Variants in LDLRAD4 observed in about 807,000 individuals in gnomAD.
LDLRAD4 encodes low density lipoprotein receptor class A domain containing 4, also known as low-density lipoprotein receptor class A domain-containing protein 4.
Under a neutral mutation model 17.0 loss-of-function variants are expected in LDLRAD4, and 5 were observed. That is an observed-to-expected ratio of 0.29 (90% CI 0.15 to 0.62). The LOEUF (loss-of-function observed/expected upper bound fraction) is 0.62, where lower values mean the gene tolerates loss of function less well. LDLRAD4 is among the 20% of genes least tolerant of loss of function. The pLI, the probability that LDLRAD4 is intolerant of heterozygous loss-of-function variation, is 0.84. For missense variants in LDLRAD4, 340 were observed against 424.7 expected (o/e 0.80, Z 1.75); for synonymous variants, 168 against 171.8 (o/e 0.98, Z 0.17).
chr18:13,604,430 C>A (rs1181501248), intron 3 of LDLRAD4, among the ~76,000 whole-genome samples: 1 of 152,156 alleles, frequency 6.6e-6, no homozygotes, highest in Non-Finnish European at 1.5e-5. Context: ...CCATATACTG[C>A]GTGTGTGCAA....
At chr18:13,412,445 C>T (rs967305062) in intron 2 of LDLRAD4, among the ~76,000 whole-genome samples, 2 of 151,948 alleles carry the variant, frequency 1.3e-5, no homozygotes, top group Non-Finnish European at 2.9e-5. Context: ...CATAAGGTTC[C>T]ATATTTCTCT....
At chr18:13,252,371 C>T (rs1206694926) in intron 1 of LDLRAD4, among the ~76,000 whole-genome samples, 1 of 152,122 alleles carries the variant, frequency 6.6e-6, no homozygotes, top group African/African-American at 2.4e-5. Flanking sequence ...TCAGGTGATC[C>T]ACCCACCTCG....
chr18:13,603,114 G>A (rs1253025771), intron 3 of LDLRAD4, among the ~76,000 whole-genome samples: 3 of 152,068 alleles, frequency 2.0e-5, no homozygotes, highest in South Asian at 4.1e-4. Flanking sequence ...CAGAAACTTC[G>A]TCTTTTTAGG....
intron 3 of LDLRAD4, among the ~76,000 whole-genome samples, chr18:13,580,962 A>C (rs2094848240): frequency 6.6e-6 from 1 of 152,234 alleles, no homozygotes; most frequent in Non-Finnish European, 1.5e-5. Context: ...TGTTCTGTAT[A>C]CAGGTTGAGT....
In LDLRAD4 at chr18:13,650,432, C is replaced by T. The variant is rs151093408; in HGVS notation, c.*4775C>T. 8.8e-4 allele frequency: 352 copies of T among 398,370 alleles called. 3 individuals are homozygous for T. The East Asian group carries it at 8.9e-3, about 10-fold the overall frequency. 24.7% of individuals were successfully genotyped at this position (398,370 alleles called of 1,614,324 possible). A position where few individuals can be genotyped will look rare whatever the true frequency, so the allele number is the denominator to read the frequency against. On this transcript the variant is annotated 3_prime_UTR_variant, in exon 6 of 6. Coordinates refer to ENST00000359446, the Ensembl canonical transcript of LDLRAD4. ...CTATAGAGATTATATATACACTATC[C>T]GTGCACATTATATATATGTAGATAT... is the stretch of plus-strand genomic sequence containing the variant.
chr18:13,580,063 C>A (rs569086340), intron 3 of LDLRAD4, among the ~76,000 whole-genome samples: 1 of 152,332 alleles, frequency 6.6e-6, no homozygotes, highest in South Asian at 2.1e-4. Context: ...TTCTCATGGT[C>A]TGTGCTCATC....
chr18:13,377,726 C>T (rs1057212792), intron 1 of LDLRAD4, among the ~76,000 whole-genome samples: 5 of 152,178 alleles, frequency 3.3e-5, no homozygotes, highest in African/African-American at 9.7e-5. Flanking sequence ...AGAGCACAAA[C>T]TGCTGGCCAG....
chr18:13,422,591 G>A (rs972967604), intron 2 of LDLRAD4, among the ~76,000 whole-genome samples: 3 of 151,730 alleles, frequency 2.0e-5, no homozygotes, highest in Admixed American at 6.6e-5. Context: ...CCAGCTACTC[G>A]GGAGGCTGAG....
intron 2 of LDLRAD4, among the ~76,000 whole-genome samples, chr18:13,407,943 C>T (rs1233762733): frequency 6.6e-6 from 1 of 152,226 alleles, no homozygotes; most frequent in Non-Finnish European, 1.5e-5. Flanking sequence ...CTGCCCATTT[C>T]CACATCTTCA....
In LDLRAD4 at chr18:13,449,868, G is replaced by A. The variant is rs547269829; in HGVS notation, c.181+11484G>A. On this transcript the variant is annotated intron_variant, in intron 3 of 5. Coordinates refer to ENST00000359446, the Ensembl canonical transcript of LDLRAD4. ...TGTTCTCCCTGTCTGGGTTTGGGCA[G>A]GTGGTGGGTTCAGGCCCAACCGCTC... Among the ~76,000 whole-genome samples, 7 of 152,294 alleles carry A rather than the reference G, an allele frequency of 4.6e-5. No homozygotes were observed. In the South Asian group the frequency reaches 6.2e-4, roughly 14 times the overall value.
intron 2 of LDLRAD4, among the ~76,000 whole-genome samples, chr18:13,399,073 A>T (rs1217269262): frequency 1.3e-5 from 2 of 152,152 alleles, no homozygotes; most frequent in East Asian, 3.9e-4. Context: ...ATGCCACCAG[A>T]TGTGGTGGTG....
At chr18:13,355,235 A>G (rs1195718549) in intron 1 of LDLRAD4, among the ~76,000 whole-genome samples, 1 of 152,220 alleles carries the variant, frequency 6.6e-6, no homozygotes, top group African/African-American at 2.4e-5. Context: ...GCTTGGAGTG[A>G]AACTTTGGCA....
At chr18:13,508,560 A>G (rs563151839) in intron 3 of LDLRAD4, among the ~76,000 whole-genome samples, 67 of 152,332 alleles carry the variant, frequency 4.4e-4, no homozygotes, top group Non-Finnish European at 1.9e-4. Flanking sequence ...CAAAAATCCT[A>G]GGGTCCTAAA....
intron 2 of LDLRAD4, 143 bp downstream of exon 3, chr18:13,387,905 T>C: frequency 1.5e-6 from 1 of 678,852 alleles, no homozygotes; most frequent in Non-Finnish European, 2.6e-6. Flanking sequence ...CTGTGGTGAC[T>C]GATTCTGACA....
At chr18:13,446,248 G>A (rs1174389755) in intron 3 of LDLRAD4, among the ~76,000 whole-genome samples, 2 of 152,170 alleles carry the variant, frequency 1.3e-5, no homozygotes, top group Admixed American at 6.5e-5. Context: ...CAGCCAAGGC[G>A]TGCCGCTGCT....
intron 3 of LDLRAD4, among the ~76,000 whole-genome samples, chr18:13,535,915 C>T (rs571807393): frequency 9.2e-4 from 140 of 152,224 alleles, no homozygotes; most frequent in South Asian, 2.7e-3. Flanking sequence ...GCCATCTTTT[C>T]CCCCATTGAA....
At chr18:13,277,469 T>C (rs1419198591), upstream of LDLRAD4, among the ~76,000 whole-genome samples, 1 of 152,136 alleles carries the variant, frequency 6.6e-6, no homozygotes, top group East Asian at 1.9e-4. Context: ...GGGATGCCAG[T>C]GACAGGTTGT....
chr18:13,448,221 C>G (rs16940561), intron 3 of LDLRAD4, among the ~76,000 whole-genome samples: 26,956 of 152,114 alleles, frequency 0.18, 2,921 homozygotes, highest in African/African-American at 0.29. Flanking sequence ...GTCGTGTGTG[C>G]TTAAGACGGG....
At chr18:13,551,861 A>G (rs889234682) in intron 3 of LDLRAD4, among the ~76,000 whole-genome samples, 1 of 152,188 alleles carries the variant, frequency 6.6e-6, no homozygotes, top group Non-Finnish European at 1.5e-5. Context: ...TGCAGGCTGT[A>G]CAAGAAGTAT....
Sources: gnomAD v4.1 joint callset for allele counts (sites outside exome capture counted in the v4.1 genomes callset) on GRCh38, gnomAD v4.1.1 for gene constraint, MANE v1.5 for transcripts, NCBI Gene and HGNC (gene_info 2026-07-23, HGNC 2026-07-21) for gene names.